The following PKHD1 variants were observed in gnomAD, a reference collection of about 807,000 sequenced individuals.
The protein encoded by PKHD1 is fibrocystin.
Under a neutral mutation model 412.0 loss-of-function variants are expected in PKHD1, and 291 were observed. That is an observed-to-expected ratio of 0.71 (90% confidence interval 0.64 to 0.78). The LOEUF (loss-of-function observed/expected upper bound fraction) is 0.78. Ranked by LOEUF, PKHD1 falls within the 30% of genes least tolerant of loss-of-function variation. PKHD1 has a pLI of 0.00. For synonymous variants in PKHD1, 1,777 were observed against 1,821.5 expected, an observed-to-expected ratio of 0.98 and a Z score of 0.62; for missense variants, 4,825 against 4,950.7, an observed-to-expected ratio of 0.97 and a Z score of 0.76.
In PKHD1 at chr6:52,069,445, G is replaced by A; in HGVS notation, c.778+12C>T. The A allele has an allele frequency of 6.3e-7, 1 of 1,590,510 alleles. No individual in the cohort carries two copies. The highest frequency in any genetic ancestry group is 8.6e-7 in the Non-Finnish European group (1 of 1,158,494). On this transcript the variant is annotated intron_variant, in intron 11 of 66. Coordinates refer to ENST00000371117, the MANE Select transcript of PKHD1 (RefSeq NM_138694.4). ...CACAAGGGAAGGGGTACTTGGTGAA[G>A]GGGGATAGTACCTGAGTGTGTCTGG...
At chr6:52,030,833 G>T (rs1014449918) in intron 29 of PKHD1, among the ~76,000 whole-genome samples, 8 of 152,158 alleles carry the variant, frequency 5.3e-5, no homozygotes, top group Non-Finnish European at 1.5e-5. Context: ...ACTGATGGGT[G>T]CAGTTTCATG....
chr6:51,854,856 T>C (rs1408677506), intron 49 of PKHD1, among the ~76,000 whole-genome samples: 2 of 152,246 alleles, frequency 1.3e-5, no homozygotes, highest in African/African-American at 4.8e-5. Flanking sequence ...GCTTAGCATG[T>C]TAGGCAGTTG....
At chr6:51,730,640 A>G (rs755289488) in intron 60 of PKHD1, among the ~76,000 whole-genome samples, 2 of 152,222 alleles carry the variant, frequency 1.3e-5, no homozygotes, top group Admixed American at 6.5e-5. Flanking sequence ...ATGTAAATAC[A>G]TAAAGAAAAA....
chr6:51,830,544 G>T (rs886851388), intron 52 of PKHD1, among the ~76,000 whole-genome samples: 1 of 151,994 alleles, frequency 6.6e-6, no homozygotes, highest in Non-Finnish European at 1.5e-5. Flanking sequence ...TCAAACTTAA[G>T]GATACTAGAA....
Position 51,619,504 on chromosome 6 carries a change from G to A in PKHD1, c.11802C>T (p.Val3934=), listed in dbSNP as rs1766347218. Residue 3934 remains valine, a synonymous_variant, in exon 67 of 67, where the codon GTC becomes GTT. Coordinates refer to ENST00000371117, the MANE Select transcript of PKHD1 (RefSeq NM_138694.4). ...TVVGEDMRMK[V]MLGKVNQCPH... is the part of the protein sequence containing the mutation. ...GGCACTGGTTCACCTTGCCCAGCAT[G>A]ACCTTCATTCTCATATCTGGGGGGA... The A allele has an allele frequency of 6.2e-7, 1 of 1,613,820 alleles. No homozygotes were observed. Among genetic ancestry groups the A allele is most frequent in the African/African-American group, 1.3e-5 (1 of 74,914 alleles).
chr6:52,027,685 C>T, intron 31 of PKHD1, 144 bp downstream of exon 31: 2 of 697,992 alleles, frequency 2.9e-6, no homozygotes, highest in Non-Finnish European at 2.6e-6. Context: ...AAAAACACCC[C>T]TCAGTTCCTG....
Position 52,045,047 on chromosome 6 carries a change from G to A in PKHD1, c.2634C>T (p.Ala878=), listed in dbSNP as rs749537445. ...ENLTGVNPAA[A]TRVVYDGGVF... is the part of the protein sequence containing the mutation. Reference sequence around the variant, plus strand: ...CTCCACCATCATATACCACACGCGTGGCTGCAGCAGGATTCACTCCAGTAA... The same window carrying A: ...CTCCACCATCATATACCACACGCGTAGCTGCAGCAGGATTCACTCCAGTAA... Residue 878 remains alanine (A), a synonymous_variant, in exon 25 of 67, where the codon GCC becomes GCT. Transcript: ENST00000371117. 7.4e-6 allele frequency: 12 copies of A among 1,613,092 alleles called. No individual in the cohort carries two copies. Among genetic ancestry groups the A allele is most frequent in the South Asian group, 1.1e-5 (1 of 91,056 alleles).
chr6:51,797,549 T>A (rs1015965711), intron 52 of PKHD1, among the ~76,000 whole-genome samples: 1 of 152,222 alleles, frequency 6.6e-6, no homozygotes, highest in African/African-American at 2.4e-5. Context: ...TTTACCATTA[T>A]GTAATGCCCT....
intron 24 of PKHD1, 87 bp downstream of exon 24, chr6:52,045,917 T>C: frequency 1.1e-6 from 1 of 898,104 alleles, no homozygotes; most frequent in Non-Finnish European, 1.9e-6. Context: ...TTCATGACAG[T>C]TTCCATTTGT....
At chr6:51,788,901 CAT>C (rs1285105129) in intron 53 of PKHD1, among the ~76,000 whole-genome samples, 1 of 152,140 alleles carries the variant, frequency 6.6e-6, no homozygotes, top group East Asian at 1.9e-4. Context: ...TCTTATCCCA[CAT>C]ATGTTGCAGA....
intron 11 of PKHD1, among the ~76,000 whole-genome samples, chr6:52,068,559 T>C (rs571724261): frequency 6.6e-6 from 1 of 152,354 alleles, no homozygotes; most frequent in Non-Finnish European, 1.5e-5. Flanking sequence ...GATACTTTGT[T>C]TATCTGAGTC....
intron 50 of PKHD1, among the ~76,000 whole-genome samples, chr6:51,840,096 A>G (rs993166913): frequency 3.3e-5 from 5 of 151,852 alleles, no homozygotes; most frequent in African/African-American, 1.2e-4. Context: ...CTGACTCACA[A>G]ATCTGTACAC....
intron 48 of PKHD1, among the ~76,000 whole-genome samples, chr6:51,858,360 C>G (rs1773634296): frequency 6.6e-6 from 1 of 152,116 alleles, no homozygotes; most frequent in Non-Finnish European, 1.5e-5. Context: ...AGGATATTTT[C>G]CAGGAACAAT....
At chr6:51,994,564 T>G (rs982101989) in intron 35 of PKHD1, among the ~76,000 whole-genome samples, 38 of 151,882 alleles carry the variant, frequency 2.5e-4, no homozygotes, top group African/African-American at 8.2e-4. Context: ...TTTTTTTGGG[T>G]TTGTTGTTGT....
At chr6:51,925,752 C>T (rs1319130375) in intron 37 of PKHD1, among the ~76,000 whole-genome samples, 1 of 152,060 alleles carries the variant, frequency 6.6e-6, no homozygotes, top group Admixed American at 6.6e-5. Context: ...CTTGGACTCT[C>T]TATCTGCTTC....
chr6:52,083,717 G>A (rs973013349), intron 2 of PKHD1, among the ~76,000 whole-genome samples: 3 of 151,998 alleles, frequency 2.0e-5, no homozygotes, highest in African/African-American at 7.2e-5. Context: ...GAGAAAAAAG[G>A]ACTTCCATTA....
At chr6:51,930,527 T>G (rs1270500899) in intron 37 of PKHD1, among the ~76,000 whole-genome samples, 1 of 152,136 alleles carries the variant, frequency 6.6e-6, no homozygotes, top group Non-Finnish European at 1.5e-5. Context: ...GCGATTTTAA[T>G]CCAAGGTAAA....
At chr6:51,964,764 A>C (rs1301923114) in intron 35 of PKHD1, among the ~76,000 whole-genome samples, 1 of 152,106 alleles carries the variant, frequency 6.6e-6, no homozygotes, top group Non-Finnish European at 1.5e-5. Flanking sequence ...GAAATGTTTT[A>C]ATTTTTACGA....
intron 60 of PKHD1, among the ~76,000 whole-genome samples, chr6:51,694,488 A>G (rs541800383): frequency 6.8e-6 from 1 of 146,652 alleles, no homozygotes; most frequent in East Asian, 2.0e-4. Flanking sequence ...GGTTCAAGCA[A>G]TTCTCCTGCC....
Sources: gnomAD v4.1 joint callset for allele counts (sites outside exome capture counted in the v4.1 genomes callset) on GRCh38, gnomAD v4.1.1 for gene constraint, MANE v1.5 for transcripts, NCBI Gene and HGNC (gene_info 2026-07-23, HGNC 2026-07-21) for gene names.